SMIM8: variants seen among roughly 807,000 people sequenced by gnomAD.
SMIM8 encodes UPF0708 protein C6orf162.
SMIM8 carries 8 observed loss-of-function variants against 8.1 expected under a neutral mutation model. The observed-to-expected ratio is 0.99, with a 90% CI of 0.58 to 1.78. The LOEUF (loss-of-function observed/expected upper bound fraction) is 1.78. SMIM8 is among the 40% of genes most tolerant of loss of function. SMIM8 has a pLI of 0.00. For missense variants in SMIM8, 126 were observed against 119.8 expected (o/e 1.05, Z -0.24); for synonymous variants, 45 against 39.7 (o/e 1.13, Z -0.50).
rs58307492 is a variant in SMIM8, at chr6:87,338,906, C to CTTTT, written c.136-1193_136-1190dup. Reference sequence around the variant, plus strand: ...TGAACATCTTTCCTGTATTTAAAAGCTTTTTTTTTTTTTTTTTTTTGACTG... The same window carrying CTTTT: ...TGAACATCTTTCCTGTATTTAAAAGCTTTTTTTTTTTTTTTTTTTTTTTTGACTG... On this transcript the variant is annotated intron_variant, in intron 3 of 3. Transcript: ENST00000392863. 1.7e-3 allele frequency among the ~76,000 whole-genome samples: 202 copies of CTTTT among 116,078 alleles called. 3 individuals are homozygous for CTTTT. The highest frequency in any genetic ancestry group is 2.0e-3 in the African/African-American group (59 of 29,304). 76.2% of individuals were successfully genotyped at this position (116,078 alleles called of 152,430 possible). A position where few individuals can be genotyped will look rare whatever the true frequency, so the allele number is the denominator to read the frequency against.
intron 1 of SMIM8, among the ~76,000 whole-genome samples, chr6:87,324,521 T>C (rs983028109): frequency 2.6e-5 from 4 of 150,956 alleles, no homozygotes; most frequent in Non-Finnish European, 2.9e-5. Flanking sequence ...ATTTATTAAA[T>C]AGGGAATCCT....
chr6:87,334,464 T>TG, intron 2 of SMIM8, among the ~76,000 whole-genome samples: 2 of 151,542 alleles, frequency 1.3e-5, no homozygotes, highest in Non-Finnish European at 2.9e-5. Context: ...TTTGTTTGTT[T>TG]TTGGATACAG....
intron 1 of SMIM8, among the ~76,000 whole-genome samples, chr6:87,323,675 T>TGTTG: frequency 6.6e-6 from 1 of 151,932 alleles, no homozygotes; most frequent in Non-Finnish European, 1.5e-5. Flanking sequence ...AGTCTATCAT[T>TGTTG]GTTGGACATT....
chr6:87,324,766 TC>T (rs1340344011), intron 1 of SMIM8, among the ~76,000 whole-genome samples: 2 of 152,176 alleles, frequency 1.3e-5, no homozygotes, highest in African/African-American at 4.8e-5. Flanking sequence ...CTTTTTTGGT[TC>T]CATATGAACT....
intron 1 of SMIM8, among the ~76,000 whole-genome samples, chr6:87,327,382 A>AG (rs1776854034): frequency 6.7e-6 from 1 of 149,348 alleles, no homozygotes; most frequent in African/African-American, 2.4e-5. Flanking sequence ...CATTTTGGCA[A>AG]TGGATGGTAC....
At chr6:87,332,083 G>T (rs1351512469) in intron 2 of SMIM8, among the ~76,000 whole-genome samples, 1 of 151,794 alleles carries the variant, frequency 6.6e-6, no homozygotes, top group African/African-American at 2.4e-5. Flanking sequence ...TCATTATAAA[G>T]GAAATATAGG....
At chr6:87,324,675 T>A (rs537011059) in intron 1 of SMIM8, among the ~76,000 whole-genome samples, 65 of 151,636 alleles carry the variant, frequency 4.3e-4, no homozygotes, top group Non-Finnish European at 8.7e-4. Context: ...TACTGTAGCC[T>A]TGTAGTATAC....
At chr6:87,335,047 T>C (rs1777077174) in intron 2 of SMIM8, among the ~76,000 whole-genome samples, 1 of 152,196 alleles carries the variant, frequency 6.6e-6, no homozygotes, top group African/African-American at 2.4e-5. Flanking sequence ...TTGGAACAAC[T>C]CTTTCTAAAT....
intron 1 of SMIM8, chr6:87,322,877 C>T (rs1776704403): frequency 6.6e-6 from 1 of 152,366 alleles, no homozygotes; most frequent in South Asian, 2.1e-4. Context: ...TTGCGGGCTC[C>T]AGTTTGTTCG....
intron 2 of SMIM8, among the ~76,000 whole-genome samples, chr6:87,332,047 A>G (rs1023779413): frequency 6.6e-6 from 1 of 152,042 alleles, no homozygotes; most frequent in Non-Finnish European, 1.5e-5. Flanking sequence ...CAATATAACA[A>G]ATACTACCCT....
chr6:87,337,239 A>AT, intron 3 of SMIM8, 73 bp downstream of exon 3: 1 of 1,458,474 alleles, frequency 6.9e-7, no homozygotes, highest in Non-Finnish European at 9.1e-7. Context: ...ATTTTCTTGT[A>AT]TTTGATTTTA....
At chr6:87,325,918 C>G (rs1776808958) in intron 1 of SMIM8, among the ~76,000 whole-genome samples, 1 of 152,168 alleles carries the variant, frequency 6.6e-6, no homozygotes, top group African/African-American at 2.4e-5. Flanking sequence ...GGTTGGTAAG[C>G]TATTGATTAT....
chr6:87,323,266 T>TTTTA (rs1776716693), intron 1 of SMIM8, among the ~76,000 whole-genome samples: 1 of 151,942 alleles, frequency 6.6e-6, no homozygotes, highest in South Asian at 2.1e-4. Context: ...TTTTGTTTTG[T>TTTTA]TTTGTTTATT....
intron 1 of SMIM8, among the ~76,000 whole-genome samples, chr6:87,323,435 C>G (rs1420949163): frequency 8.4e-6 from 1 of 119,058 alleles, no homozygotes; most frequent in African/African-American, 3.2e-5. Context: ...TCCCCCCACC[C>G]CACAACAGAC....
At position 87,341,348 on chromosome 6, in the gene SMIM8, G is replaced by A. The variant is rs1777229339; in HGVS notation, c.*1074G>A. Reference sequence around the variant, plus strand: ...CCTACGGTCAGTACCCACTGGAGGTGAGAAGCAGAATGGCCTTGGTTGTCC... The same window carrying A: ...CCTACGGTCAGTACCCACTGGAGGTAAGAAGCAGAATGGCCTTGGTTGTCC... On this transcript the variant is annotated 3_prime_UTR_variant, in exon 4 of 4. Coordinates refer to ENST00000392863, the MANE Select transcript of SMIM8 (RefSeq NM_001042493.3). 1 of 397,734 alleles carries A rather than the reference G, an allele frequency of 2.5e-6. No individual in the cohort carries two copies. Among genetic ancestry groups the A allele is most frequent in the African/African-American group, 2.1e-5 (1 of 48,412 alleles). 24.6% of individuals were successfully genotyped at this position (397,734 alleles called of 1,614,324 possible). A position where few individuals can be genotyped will look rare whatever the true frequency, so the allele number is the denominator to read the frequency against.
At chr6:87,324,587 T>C (rs1776768346) in intron 1 of SMIM8, among the ~76,000 whole-genome samples, 1 of 151,194 alleles carries the variant, frequency 6.6e-6, no homozygotes, top group Admixed American at 6.6e-5. Flanking sequence ...TGTAGATATG[T>C]GGCGTTATTT....
chr6:87,334,126 A>G (rs1245524208), intron 2 of SMIM8, among the ~76,000 whole-genome samples: 2 of 152,184 alleles, frequency 1.3e-5, no homozygotes, highest in East Asian at 3.9e-4. Flanking sequence ...CATTACTACA[A>G]GGATGGCACC....
chr6:87,330,556 C>G (rs1205440937), intron 1 of SMIM8, 136 bp from the exon 2 acceptor site: 2 of 152,064 alleles, frequency 1.3e-5, no homozygotes, highest in African/African-American at 4.8e-5. Context: ...TGTACAGCCT[C>G]TCACATTGTG....
At chr6:87,323,939 T>C (rs1776747016) in intron 1 of SMIM8, among the ~76,000 whole-genome samples, 1 of 151,820 alleles carries the variant, frequency 6.6e-6, no homozygotes, top group African/African-American at 2.4e-5. Context: ...GCACCTGTTG[T>C]TTCCTGACTT....
Sources: allele counts gnomAD v4.1 joint callset (sites outside exome capture counted in the v4.1 genomes callset), GRCh38; gene constraint gnomAD v4.1.1; transcripts MANE v1.5; gene names NCBI Gene and HGNC (gene_info 2026-07-23, HGNC 2026-07-21).